PRDM10: variants seen among roughly 807,000 people sequenced by gnomAD.
PRDM10 encodes the protein PR/SET domain 10, also known as PR domain zinc finger protein 10.
In PRDM10, 65 loss-of-function variants were observed where a neutral mutation model predicts 133.1. That is an observed-to-expected ratio of 0.49 (90% CI 0.40 to 0.60). The LOEUF (loss-of-function observed/expected upper bound fraction) is 0.60. Ranked by LOEUF, PRDM10 falls within the 20% of genes least tolerant of loss-of-function variation. The pLI is 0.00. For missense variants in PRDM10, 1,137 were observed against 1,507.1 expected (o/e 0.75, Z 4.07); for synonymous variants, 582 against 580.4 (o/e 1.00, Z -0.04).
At chr11:129,903,548 G>C (rs942192377) in intron 20 of PRDM10, among the ~76,000 whole-genome samples, 1 of 152,076 alleles carries the variant, frequency 6.6e-6, no homozygotes, top group African/African-American at 2.4e-5. Flanking sequence ...GTGACGTTCA[G>C]CCTGTAGCTG....
chr11:129,920,629 G>A (rs971690383), intron 13 of PRDM10, among the ~76,000 whole-genome samples: 1 of 151,556 alleles, frequency 6.6e-6, no homozygotes, highest in Non-Finnish European at 1.5e-5. Flanking sequence ...CCAATCTCCC[G>A]AACGTGGCAT....
In PRDM10 at chr11:129,918,618, C is replaced by T. The variant is rs766763292; in HGVS notation, c.2135G>A (p.Arg712His). 3.1e-6 allele frequency: 5 copies of T among 1,614,218 alleles called. No homozygotes were observed. Among genetic ancestry groups the T allele is most frequent in the East Asian group, 4.5e-5 (2 of 44,880 alleles). Reference sequence around the variant, plus strand: ...GCTGTCGTAGTCTGTGGACGTGATGCGGGGCTTGAACGTCTTGGAGCGGCT... The same window carrying T: ...GCTGTCGTAGTCTGTGGACGTGATGTGGGGCTTGAACGTCTTGGAGCGGCT... ...RISRSKTFKP[R>H]ITSTDYDSFT... Residue 712 changes from arginine (R) to histidine (H), a missense_variant, in exon 14 of 21, where the codon CGC becomes CAC. Physicochemically the swap from Arg to His is conservative, Grantham distance 29 (BLOSUM62 0). Transcript: ENST00000360871. This position sits in a 1 kb window ranked among gnomAD's most constrained non-coding sequence, Gnocchi z 5.3.
chr11:129,913,379 C>T lies in PRDM10; in HGVS notation c.2842-1154G>A, dbSNP rs1950254639. ...AAAAAAGAGCGTTTAGAGAAATATGCTTCTCACACATAAGCCACTATTAGA... is the reference window on the plus strand; with the variant it reads ...AAAAAAGAGCGTTTAGAGAAATATGTTTCTCACACATAAGCCACTATTAGA... On this transcript the variant is annotated intron_variant, in intron 17 of 20. Coordinates refer to ENST00000360871, the MANE Select transcript of PRDM10 (RefSeq NM_199437.2). 2.0e-5 allele frequency among the ~76,000 whole-genome samples: 3 copies of T among 152,128 alleles called. No individual in the cohort carries two copies. In the South Asian group the frequency reaches 6.2e-4, roughly 32 times the overall value.
chr11:129,998,507 C>T (rs908962138), intron 1 of PRDM10, among the ~76,000 whole-genome samples: 1 of 152,076 alleles, frequency 6.6e-6, no homozygotes, highest in African/African-American at 2.4e-5. Context: ...TTTAGCAATC[C>T]ATATAAGGTT....
intron 2 of PRDM10, 109 bp downstream of exon 2, chr11:129,960,787 G>T: frequency 1.8e-6 from 2 of 1,111,106 alleles, no homozygotes; most frequent in Non-Finnish European, 2.7e-6. Flanking sequence ...CTTCATGTCG[G>T]CTCCTAACGA....
chr11:129,952,076 TGAAGA>T (rs2135901230), intron 4 of PRDM10, among the ~76,000 whole-genome samples: 1 of 152,266 alleles, frequency 6.6e-6, no homozygotes, highest in South Asian at 2.1e-4. Context: ...GAAACTACAA[TGAAGA>T]AAGATGCTAA....
rs79034426 is a variant in PRDM10 at position 130,001,447 on chromosome 11, G to A, written c.-119+1275C>T. On this transcript the variant is annotated intron_variant, in intron 1 of 20. Transcript: ENST00000360871. ...GTACTGCTAAGTTTAGAGAATTTGG[G>A]GTGACGAGACAGGCAAGGTTTCAAC... 9.6e-3 allele frequency among the ~76,000 whole-genome samples: 1,459 copies of A among 152,206 alleles called. 28 individuals are homozygous for A. Among genetic ancestry groups the A allele is most frequent in the African/African-American group, 0.033 (1,370 of 41,524 alleles).
chr11:129,976,019 A>G (rs1054911001), intron 1 of PRDM10, among the ~76,000 whole-genome samples: 8 of 152,020 alleles, frequency 5.3e-5, no homozygotes, highest in Admixed American at 3.3e-4. Flanking sequence ...TGGTATCTCC[A>G]AGGTTTCTCA....
intron 17 of PRDM10, among the ~76,000 whole-genome samples, chr11:129,914,351 G>A (rs759283244): frequency 6.6e-5 from 10 of 152,162 alleles, no homozygotes; most frequent in Non-Finnish European, 1.2e-4. Context: ...CATTTGATAC[G>A]CAGGTCGTGA....
At chr11:129,988,656 A>G (rs545610537) in intron 1 of PRDM10, among the ~76,000 whole-genome samples, 21 of 150,906 alleles carry the variant, frequency 1.4e-4, no homozygotes, top group South Asian at 4.2e-4. Context: ...TTGAGACGGA[A>G]TCTCGCTCTG....
In PRDM10 at chr11:129,913,219, C is replaced by T. The variant is rs1362198459; in HGVS notation, c.2842-994G>A. On this transcript the variant is annotated intron_variant, in intron 17 of 20. Coordinates refer to ENST00000360871, the MANE Select transcript of PRDM10 (RefSeq NM_199437.2). ...GGTGACAATAGTGAGACCCTGTCTCCAAAAAAAAAAAAAAAAAAAAACCAA... is the reference window on the plus strand; with the variant it reads ...GGTGACAATAGTGAGACCCTGTCTCTAAAAAAAAAAAAAAAAAAAAACCAA... 2.5e-4 allele frequency among the ~76,000 whole-genome samples: 20 copies of T among 78,882 alleles called. No homozygotes were observed. In the Admixed American group the frequency reaches 2.9e-3, roughly 11 times the overall value. The allele number at this position is 78,882 out of a possible 152,430, so 51.7% of individuals were successfully genotyped here. A position where few individuals can be genotyped will look rare whatever the true frequency, so the allele number is the denominator to read the frequency against.
intron 1 of PRDM10, among the ~76,000 whole-genome samples, chr11:129,990,499 G>A (rs991658483): frequency 7.0e-6 from 1 of 142,170 alleles, no homozygotes; most frequent in South Asian, 2.3e-4. Flanking sequence ...TCCAGCCTGG[G>A]TGACAAAGTG....
chr11:129,991,281 T>C (rs1248401875), intron 1 of PRDM10, among the ~76,000 whole-genome samples: 1 of 152,244 alleles, frequency 6.6e-6, no homozygotes, highest in East Asian at 1.9e-4. Flanking sequence ...ATTAAACAAT[T>C]GTTTTGGGAA....
intron 1 of PRDM10, among the ~76,000 whole-genome samples, chr11:129,991,121 C>T (rs767529692): frequency 3.8e-4 from 58 of 152,286 alleles, no homozygotes; most frequent in Middle Eastern, 3.4e-3. Context: ...GGGATAATGT[C>T]TGTTACAATG....
Position 129,902,331 on chromosome 11 carries a change from C to T in PRDM10, c.3453G>A (p.Val1151=). 2 of 1,613,910 alleles carry T rather than the reference C, an allele frequency of 1.2e-6. No homozygotes were observed. Among genetic ancestry groups the T allele is most frequent in the East Asian group, 4.5e-5 (2 of 44,896 alleles). The stretch of plus-strand genomic sequence containing the variant: ...GTGGAAGTCATGGTTTGGTGATATG[C>T]ACTTCGCTGCTTCCGTTCCCGTTGG... ...TTTNGNGSSE[V]HITKP The change falls in exon 21 of 21, where the codon GTG becomes GTA. Residue 1151 remains valine (V), a synonymous_variant. Coordinates refer to ENST00000360871, the MANE Select transcript of PRDM10 (RefSeq NM_199437.2).
intron 1 of PRDM10, among the ~76,000 whole-genome samples, chr11:129,992,742 C>A (rs1268608147): frequency 6.6e-6 from 1 of 152,172 alleles, no homozygotes; most frequent in Non-Finnish European, 1.5e-5. Flanking sequence ...TTTTAAAACA[C>A]AAGAATACTT....
intron 10 of PRDM10, among the ~76,000 whole-genome samples, chr11:129,931,692 G>A (rs965987680): frequency 1.3e-5 from 2 of 151,374 alleles, no homozygotes; most frequent in African/African-American, 4.8e-5. Flanking sequence ...TCCGCCTCCC[G>A]AGTAGCTGGG....
chr11:129,991,559 C>T (rs1423927518), intron 1 of PRDM10, among the ~76,000 whole-genome samples: 2 of 152,186 alleles, frequency 1.3e-5, no homozygotes, highest in Admixed American at 6.5e-5. Context: ...TGGCGGGCAC[C>T]TGTAGTCCTA....
At chr11:129,995,532 T>C (rs1214097626) in intron 1 of PRDM10, among the ~76,000 whole-genome samples, 1 of 152,168 alleles carries the variant, frequency 6.6e-6, no homozygotes, top group African/African-American at 2.4e-5. Flanking sequence ...TAAGACTGCC[T>C]GTAATCATGG....
Sources: gnomAD v4.1 joint callset for allele counts (sites outside exome capture counted in the v4.1 genomes callset) on GRCh38, gnomAD v4.1.1 for gene constraint, Gnocchi (gnomAD v3.1) non-coding constraint, MANE v1.5 for transcripts, NCBI Gene and HGNC (gene_info 2026-07-23, HGNC 2026-07-21) for gene names.